Variants in CACNA2D3 observed in about 807,000 individuals in gnomAD.
CACNA2D3 encodes calcium voltage-gated channel auxiliary subunit alpha2delta 3.
Under a neutral mutation model 160.6 loss-of-function variants are expected in CACNA2D3, and 60 were observed. The ratio of observed to expected loss-of-function variants is 0.37; its 90% CI spans 0.30 to 0.46. The LOEUF is 0.46. Ranked by LOEUF, CACNA2D3 falls within the 20% of genes least tolerant of loss-of-function variation. The probability of loss-of-function intolerance (pLI) is 1.00; values close to 1 mark genes in which losing one functional copy is unlikely to be tolerated. For missense variants in CACNA2D3, 1,205 were observed against 1,365.0 expected, an observed-to-expected ratio of 0.88 and a Z score of 1.85; for synonymous variants, 558 against 492.9, an observed-to-expected ratio of 1.13 and a Z score of -1.75.
At chr3:54,351,219 T>C (rs1698559853) in intron 3 of CACNA2D3, among the ~76,000 whole-genome samples, 1 of 151,820 alleles carries the variant, frequency 6.6e-6, no homozygotes, top group Non-Finnish European at 1.5e-5. Flanking sequence ...TGACCTCGAG[T>C]GATCTGCCTG....
intron 14 of CACNA2D3, among the ~76,000 whole-genome samples, chr3:54,829,193 C>T (rs1454238692): frequency 6.6e-6 from 1 of 152,150 alleles, no homozygotes; most frequent in Non-Finnish European, 1.5e-5. Context: ...TCTCCCTGCC[C>T]CACGTTTCAG....
At chr3:54,186,583 G>A (rs575884096) in intron 2 of CACNA2D3, among the ~76,000 whole-genome samples, 1 of 151,970 alleles carries the variant, frequency 6.6e-6, no homozygotes, top group South Asian at 2.1e-4. Context: ...TTTCACCCAG[G>A]CCTTTACAAT....
chr3:54,819,940 A>G (rs1703549676), intron 14 of CACNA2D3, among the ~76,000 whole-genome samples: 1 of 152,162 alleles, frequency 6.6e-6, no homozygotes, highest in Admixed American at 6.5e-5. Flanking sequence ...TGAAACCCCA[A>G]CAAAGCAAAA....
intron 5 of CACNA2D3, among the ~76,000 whole-genome samples, chr3:54,548,517 C>T (rs568975056): frequency 6.6e-6 from 1 of 152,290 alleles, no homozygotes; most frequent in South Asian, 2.1e-4. Flanking sequence ...CTTTCCTAGG[C>T]ATTTAAAAAC....
At chr3:54,838,824 A>C (rs1396447825) in intron 16 of CACNA2D3, among the ~76,000 whole-genome samples, 176 bp downstream of exon 16, 1 of 151,576 alleles carries the variant, frequency 6.6e-6, no homozygotes, top group African/African-American at 2.4e-5. Context: ...TTTTTTTATT[A>C]TTTACAATGA....
At chr3:54,751,794 C>A (rs933616226) in intron 11 of CACNA2D3, among the ~76,000 whole-genome samples, 2 of 152,008 alleles carry the variant, frequency 1.3e-5, no homozygotes, top group Admixed American at 6.6e-5. Flanking sequence ...ACAGGCTGCA[C>A]ATGGCCCATC....
intron 11 of CACNA2D3, among the ~76,000 whole-genome samples, chr3:54,699,664 C>T (rs914099545): frequency 3.3e-5 from 5 of 152,124 alleles, no homozygotes; most frequent in African/African-American, 1.2e-4. Context: ...TTTTATCAGA[C>T]TGGATTTTGG....
chr3:54,365,911 A>T (rs1167945969), intron 3 of CACNA2D3, among the ~76,000 whole-genome samples: 3 of 152,150 alleles, frequency 2.0e-5, no homozygotes, highest in African/African-American at 7.2e-5. Context: ...AGAGTTTACC[A>T]CAGTAAGAGA....
At chr3:54,265,661 A>ATATATATAGTGTGTATATATATAGTG (rs1559901419) in intron 2 of CACNA2D3, among the ~76,000 whole-genome samples, 2 of 69,110 alleles carry the variant, frequency 2.9e-5, no homozygotes, top group South Asian at 8.6e-4. Context: ...TATATAGTGT[A>ATATATATAGTGTGTATATATATAGTG]TATATATAGT....
intron 27 of CACNA2D3, among the ~76,000 whole-genome samples, chr3:54,951,095 G>C (rs537112708): frequency 6.6e-6 from 1 of 152,138 alleles, no homozygotes; most frequent in Non-Finnish European, 1.5e-5. Flanking sequence ...TCTACAGAAC[G>C]CTCCAACTAT....
intron 2 of CACNA2D3, among the ~76,000 whole-genome samples, chr3:54,251,586 T>C (rs1392093159): frequency 6.6e-6 from 1 of 152,230 alleles, no homozygotes; most frequent in East Asian, 1.9e-4. Flanking sequence ...CAACCTATTT[T>C]GGTCAAAAGG....
At chr3:54,700,283 T>C (rs1337041350) in intron 11 of CACNA2D3, among the ~76,000 whole-genome samples, 1 of 152,254 alleles carries the variant, frequency 6.6e-6, no homozygotes, top group Non-Finnish European at 1.5e-5. Flanking sequence ...TTCCCACTGA[T>C]ACTGATTTCT....
At chr3:55,025,601 T>C (rs1346142653) in intron 35 of CACNA2D3, among the ~76,000 whole-genome samples, 1 of 123,686 alleles carries the variant, frequency 8.1e-6, no homozygotes, top group South Asian at 2.6e-4. Context: ...GCCACTGCAC[T>C]CCAGCCTGGG....
At chr3:54,854,217 G>A (rs908617787) in intron 17 of CACNA2D3, among the ~76,000 whole-genome samples, 8 of 152,272 alleles carry the variant, frequency 5.3e-5, no homozygotes, top group South Asian at 2.1e-4. Flanking sequence ...GTGACCCCAC[G>A]TAGCGAGCCT....
At chr3:54,862,630 G>A (rs766470029) in intron 17 of CACNA2D3, among the ~76,000 whole-genome samples, 2 of 152,088 alleles carry the variant, frequency 1.3e-5, no homozygotes, top group Non-Finnish European at 2.9e-5. Flanking sequence ...CTGTTCCTCA[G>A]CCATCTCAGA....
At chr3:54,648,770 A>C (rs1231821014) in intron 11 of CACNA2D3, among the ~76,000 whole-genome samples, 1 of 152,226 alleles carries the variant, frequency 6.6e-6, no homozygotes, top group Non-Finnish European at 1.5e-5. Flanking sequence ...TGCTGTTTCC[A>C]CTAATGGCAG....
chr3:54,530,615 G>A (rs888659841), intron 5 of CACNA2D3, among the ~76,000 whole-genome samples: 1 of 152,092 alleles, frequency 6.6e-6, no homozygotes, highest in African/African-American at 2.4e-5. Context: ...TATACACCAG[G>A]CACTGGGCTA....
chr3:54,137,465 C>T (rs114320421), intron 2 of CACNA2D3, among the ~76,000 whole-genome samples: 2,375 of 152,290 alleles, frequency 0.016, 35 homozygotes, highest in Non-Finnish European at 0.026. Flanking sequence ...GTTTGAAAGA[C>T]GCCATCTGCT....
At chr3:54,788,683 A>G (rs1170302164) in intron 13 of CACNA2D3, among the ~76,000 whole-genome samples, 1 of 152,188 alleles carries the variant, frequency 6.6e-6, no homozygotes, top group Non-Finnish European at 1.5e-5. Flanking sequence ...GTGCTCTGCC[A>G]TGTGCCCTTA....
Sources: allele counts gnomAD v4.1 joint callset (sites outside exome capture counted in the v4.1 genomes callset), GRCh38; gene constraint gnomAD v4.1.1; transcripts MANE v1.5; gene names NCBI Gene and HGNC (gene_info 2026-07-23, HGNC 2026-07-21).